ARHGAP15: variants seen among roughly 807,000 people sequenced by gnomAD.
The protein encoded by ARHGAP15 is rho GTPase-activating protein 15.
ARHGAP15 carries 51 observed loss-of-function variants against 63.7 expected under a neutral mutation model. That is an observed-to-expected ratio of 0.80 (90% CI 0.64 to 1.01). ARHGAP15 has a LOEUF of 1.01. ARHGAP15 is among the 50% of genes least tolerant of loss of function. The pLI is 0.00. For synonymous variants in ARHGAP15, 191 were observed against 193.8 expected (o/e 0.99, Z 0.12); for missense variants, 560 against 564.6 (o/e 0.99, Z 0.08).
At chr2:143,314,246 C>T (rs753965686) in intron 6 of ARHGAP15, among the ~76,000 whole-genome samples, 2 of 152,130 alleles carry the variant, frequency 1.3e-5, no homozygotes, top group African/African-American at 2.4e-5. Context: ...CTTCAACATA[C>T]GTGAATTTTA....
intron 1 of ARHGAP15, among the ~76,000 whole-genome samples, chr2:143,139,791 A>C (rs1456764763): frequency 6.6e-6 from 1 of 152,054 alleles, no homozygotes; most frequent in Non-Finnish European, 1.5e-5. Context: ...TTTCTTACAG[A>C]GATAGTAGTG....
chr2:143,669,999 AG>A (rs1682434758), intron 12 of ARHGAP15, among the ~76,000 whole-genome samples: 1 of 152,218 alleles, frequency 6.6e-6, no homozygotes, highest in Non-Finnish European at 1.5e-5. Flanking sequence ...CAAGGCATGT[AG>A]ACTAGAGTTT....
intron 2 of ARHGAP15, among the ~76,000 whole-genome samples, chr2:143,167,432 A>G (rs900373239): frequency 1.1e-4 from 16 of 152,102 alleles, no homozygotes; most frequent in African/African-American, 3.6e-4. Context: ...TTACATATGG[A>G]TAATGGGACA....
chr2:143,173,710 G>A (rs1188095166), intron 2 of ARHGAP15, among the ~76,000 whole-genome samples: 1 of 151,984 alleles, frequency 6.6e-6, no homozygotes, highest in African/African-American at 2.4e-5. Context: ...AAAATGATAA[G>A]CTCTATTAAT....
At chr2:143,487,845 C>T (rs1559004478) in intron 9 of ARHGAP15, among the ~76,000 whole-genome samples, 1 of 152,112 alleles carries the variant, frequency 6.6e-6, no homozygotes, top group Non-Finnish European at 1.5e-5. Flanking sequence ...TAAGTATGAA[C>T]CAGCACACTT....
intron 1 of ARHGAP15, among the ~76,000 whole-genome samples, chr2:143,143,563 CTTTCTT>C (rs1318034479): frequency 3.2e-4 from 37 of 114,350 alleles, no homozygotes; most frequent in East Asian, 8.7e-4. Flanking sequence ...GAGCTATTTT[CTTTCTT>C]TTTTTTTTTT....
intron 1 of ARHGAP15, among the ~76,000 whole-genome samples, chr2:143,148,275 C>A (rs1017897634): frequency 1.3e-5 from 2 of 152,062 alleles, no homozygotes; most frequent in Non-Finnish European, 2.9e-5. Flanking sequence ...CTCCACTGCA[C>A]TCTAATCAGA....
intron 6 of ARHGAP15, among the ~76,000 whole-genome samples, chr2:143,383,864 C>T (rs142891253): frequency 4.3e-4 from 66 of 152,160 alleles, no homozygotes; most frequent in African/African-American, 1.5e-3. Context: ...CTGATAAAAT[C>T]AATATTCTAG....
chr2:143,654,028 G>A (rs1316608771), intron 12 of ARHGAP15, among the ~76,000 whole-genome samples: 1 of 152,224 alleles, frequency 6.6e-6, no homozygotes, highest in Non-Finnish European at 1.5e-5. Flanking sequence ...ATGCAAGGGG[G>A]TAGACAAAAA....
chr2:143,375,531 G>A (rs150413850), intron 6 of ARHGAP15, among the ~76,000 whole-genome samples: 32 of 152,206 alleles, frequency 2.1e-4, no homozygotes, highest in Middle Eastern at 3.4e-3. Context: ...GGAACTGTGC[G>A]GCTCACTCAG....
In ARHGAP15 at chr2:143,649,164, T is replaced by TATCA. The variant is rs530587833; in HGVS notation, c.1138+24898_1138+24901dup. 4.7e-3 allele frequency among the ~76,000 whole-genome samples: 711 copies of TATCA among 152,038 alleles called. 8 individuals carry two copies. Among genetic ancestry groups the TATCA allele is most frequent in the African/African-American group, 0.016 (658 of 41,500 alleles). Reference sequence around the variant, plus strand: ...TCTAGCAACAAGCTTAATTTTCTTCTATCATTCATCATCATCATCATCATC... The same window carrying TATCA: ...TCTAGCAACAAGCTTAATTTTCTTCTATCAATCATTCATCATCATCATCATCATC... On this transcript the variant is annotated intron_variant, in intron 12 of 13. Transcript: ENST00000295095.
intron 8 of ARHGAP15, among the ~76,000 whole-genome samples, chr2:143,477,257 C>A (rs1397165879): frequency 6.6e-6 from 1 of 151,614 alleles, no homozygotes; most frequent in Non-Finnish European, 1.5e-5. Context: ...AATCTAATAA[C>A]AACAGATGCA....
chr2:143,295,506 A>C (rs1682595758), intron 6 of ARHGAP15: 1 of 152,048 alleles, frequency 6.6e-6, no homozygotes. Context: ...GGATTTCAGA[A>C]AAGGCTGTAA....
chr2:143,266,528 T>C (rs1328358312), intron 6 of ARHGAP15, among the ~76,000 whole-genome samples: 1 of 152,210 alleles, frequency 6.6e-6, no homozygotes, highest in African/African-American at 2.4e-5. Context: ...AGATACAATT[T>C]GGAAATGATA....
chr2:143,584,946 C>T (rs571418346), intron 11 of ARHGAP15, among the ~76,000 whole-genome samples: 1 of 152,232 alleles, frequency 6.6e-6, no homozygotes, highest in South Asian at 2.1e-4. Context: ...GAATGTCTTG[C>T]TAATATCTTC....
intron 2 of ARHGAP15, among the ~76,000 whole-genome samples, chr2:143,157,196 G>A (rs1294994954): frequency 1.3e-5 from 2 of 151,772 alleles, no homozygotes; most frequent in Non-Finnish European, 2.9e-5. Flanking sequence ...TTACATGTTG[G>A]GATGTACTTA....
chr2:143,659,374 G>A (rs1190227006), intron 12 of ARHGAP15, among the ~76,000 whole-genome samples: 3 of 152,186 alleles, frequency 2.0e-5, no homozygotes, highest in African/African-American at 7.2e-5. Context: ...TTATCACATT[G>A]TGCAGCTTAA....
chr2:143,612,971 A>G (rs188876333), intron 11 of ARHGAP15, among the ~76,000 whole-genome samples: 1 of 152,352 alleles, frequency 6.6e-6, no homozygotes, highest in Admixed American at 6.5e-5. Flanking sequence ...TACCTTTACT[A>G]CAATGCTCAA....
At chr2:143,364,639 G>GT (rs1415051043) in intron 6 of ARHGAP15, among the ~76,000 whole-genome samples, 1 of 152,154 alleles carries the variant, frequency 6.6e-6, no homozygotes, top group Non-Finnish European at 1.5e-5. Context: ...AGAAAGCTTG[G>GT]TTTTGAAGTA....
Sources: allele counts gnomAD v4.1 joint callset (sites outside exome capture counted in the v4.1 genomes callset), GRCh38; gene constraint gnomAD v4.1.1; transcripts MANE v1.5; gene names NCBI Gene and HGNC (gene_info 2026-07-23, HGNC 2026-07-21).